VWDE: variants seen among roughly 807,000 people sequenced by gnomAD.
VWDE encodes the protein von Willebrand factor D and EGF domain-containing protein.
VWDE carries 207 observed loss-of-function variants against 178.4 expected under a neutral mutation model. That is an observed-to-expected ratio of 1.16 (90% CI 1.04 to 1.30). The LOEUF (loss-of-function observed/expected upper bound fraction) is 1.30, where lower values mean the gene tolerates loss of function less well. VWDE is among the 50% of genes most tolerant of loss of function. VWDE has a pLI of 0.00. For missense variants in VWDE, 2,287 were observed against 1,901.3 expected (o/e 1.20, Z -3.77); for synonymous variants, 738 against 651.4 (o/e 1.13, Z -2.02).
chr7:12,400,347 G>C (rs139758990), intron 1 of VWDE, among the ~76,000 whole-genome samples: 14 of 152,134 alleles, frequency 9.2e-5, no homozygotes, highest in African/African-American at 3.1e-4. Flanking sequence ...GAAAAGAAGA[G>C]AGAAGATTCA....
At chr7:12,354,824 T>A (rs73680950) in intron 18 of VWDE, among the ~76,000 whole-genome samples, 2 of 152,208 alleles carry the variant, frequency 1.3e-5, no homozygotes, top group African/African-American at 4.8e-5. Flanking sequence ...GTCAGTAATT[T>A]TTAAAAGTTA....
chr7:12,371,318 C>A (rs2128555926), intron 10 of VWDE, among the ~76,000 whole-genome samples: 1 of 152,218 alleles, frequency 6.6e-6, no homozygotes, highest in Admixed American at 6.5e-5. Flanking sequence ...TGCCAGTAGA[C>A]AAACAGAATC....
At chr7:12,365,697 G>A (rs1381712755) in intron 13 of VWDE, among the ~76,000 whole-genome samples, 2 of 152,024 alleles carry the variant, frequency 1.3e-5, no homozygotes, top group African/African-American at 4.8e-5. Flanking sequence ...TAAAATAGTG[G>A]CACATTAAAC....
chr7:12,364,969 C>A (rs2128554187), intron 13 of VWDE, among the ~76,000 whole-genome samples: 1 of 152,146 alleles, frequency 6.6e-6, no homozygotes, highest in South Asian at 2.1e-4. Flanking sequence ...TACAACATGG[C>A]ATGACCTCAA....
intron 4 of VWDE, 80 bp downstream of exon 4, chr7:12,383,456 C>T (rs113039406): frequency 1.3e-5 from 15 of 1,142,980 alleles, no homozygotes; most frequent in South Asian, 8.2e-5. Context: ...ATTCAACATC[C>T]AAAGCTGCAG....
At chr7:12,403,607 C>T (rs963233816) in intron 1 of VWDE, 52 bp downstream of exon 1, 5 of 1,512,342 alleles carry the variant, frequency 3.3e-6, no homozygotes, top group African/African-American at 2.8e-5. Context: ...GTCCCTCTAC[C>T]GCCCACGCGG....
In VWDE at chr7:12,369,564, A is replaced by G; in HGVS notation, c.2742T>C (p.Tyr914=). Reference sequence around the variant, plus strand: ...ACTTACCATAGGAATCACTGCAGTCATAGGAACTAAAGCTTGGGGAACACG... The same window carrying G: ...ACTTACCATAGGAATCACTGCAGTCGTAGGAACTAAAGCTTGGGGAACACG... ...GCACSPSFSS[Y]DCSDSYDKAP... The change falls in exon 12 of 29, where the codon TAT becomes TAC. Residue 914 remains tyrosine (Y), a synonymous_variant. Transcript: ENST00000275358. 1 of 1,538,276 alleles carries G rather than the reference A, an allele frequency of 6.5e-7. No individual in the cohort carries two copies. The highest frequency in any genetic ancestry group is 1.2e-5 in the South Asian group (1 of 83,156).
chr7:12,377,629 G>A, intron 7 of VWDE, 147 bp downstream of exon 7: 2 of 436,424 alleles, frequency 4.6e-6, no homozygotes, highest in East Asian at 7.2e-5. Flanking sequence ...GTTTGGCCGA[G>A]TATTAGTAAT....
At chr7:12,388,453 T>C (rs1221202483) in intron 3 of VWDE, among the ~76,000 whole-genome samples, 1 of 152,056 alleles carries the variant, frequency 6.6e-6, no homozygotes, top group African/African-American at 2.4e-5. Flanking sequence ...ACAACCAAAA[T>C]GAGGGAAGTT....
chr7:12,369,602 C>T lies in VWDE; in HGVS notation c.2704G>A (p.Glu902Lys), dbSNP rs1783046953. The change falls in exon 12 of 29, where the codon GAA (glutamate) becomes AAA (lysine). Residue 902 changes from glutamate (E) to lysine (K), a missense_variant. Transcript: ENST00000275358. ...CTTGGGGAACACGCACACCCCCATT[C>T]CATGCACTGCCCATTGCCGCTGCAT... Reference protein sequence around the residue: ...NLCSGNGQCMEWGCACSPSFS... With the variant: ...NLCSGNGQCMKWGCACSPSFS... The T allele has an allele frequency of 1.3e-6, 2 of 1,551,018 alleles. No homozygotes were observed. The highest frequency in any genetic ancestry group is 2.4e-5 in the East Asian group (1 of 40,910).
rs10231196 is a variant in VWDE, at chr7:12,368,051, C to T, written c.2762-558G>A. 2.6e-3 allele frequency among the ~76,000 whole-genome samples: 397 copies of T among 151,696 alleles called. 3 individuals carry two copies. Among genetic ancestry groups the T allele is most frequent in the African/African-American group, 9.2e-3 (380 of 41,374 alleles). ...AGTAGGGTAGAAAATCACGTGTATTCAGAACCTTAAAAATCTTGATGAAAA... is the reference window on the plus strand; with the variant it reads ...AGTAGGGTAGAAAATCACGTGTATTTAGAACCTTAAAAATCTTGATGAAAA... On this transcript the variant is annotated intron_variant, in intron 12 of 28. Transcript: ENST00000275358.
At chr7:12,395,825 G>A (rs953473181) in intron 1 of VWDE, among the ~76,000 whole-genome samples, 1 of 151,968 alleles carries the variant, frequency 6.6e-6, no homozygotes, top group Non-Finnish European at 1.5e-5. Flanking sequence ...GTTAAGTGAG[G>A]ATTATATTGA....
intron 19 of VWDE, among the ~76,000 whole-genome samples, chr7:12,347,644 C>T (rs1053765506): frequency 1.3e-5 from 2 of 152,146 alleles, no homozygotes; most frequent in East Asian, 1.9e-4. Flanking sequence ...AATGGCCATA[C>T]TGCCCAAGGT....
chr7:12,388,468 A>C (rs1784212766), intron 3 of VWDE, among the ~76,000 whole-genome samples: 1 of 152,132 alleles, frequency 6.6e-6, no homozygotes, highest in African/African-American at 2.4e-5. Flanking sequence ...GAAGTTATTC[A>C]AAATCTTTTA....
At chr7:12,371,433 C>G (rs1291298127) in intron 10 of VWDE, among the ~76,000 whole-genome samples, 1 of 152,090 alleles carries the variant, frequency 6.6e-6, no homozygotes, top group East Asian at 1.9e-4. Flanking sequence ...TGTGAACCAT[C>G]TCTCCCATCA....
chr7:12,401,092 A>G (rs1418128290), intron 1 of VWDE, among the ~76,000 whole-genome samples: 1 of 152,182 alleles, frequency 6.6e-6, no homozygotes. Flanking sequence ...CGAAAATCCC[A>G]TAGCTTACAT....
chr7:12,338,382 GATT>G (rs1371506741), intron 24 of VWDE, among the ~76,000 whole-genome samples: 2 of 151,434 alleles, frequency 1.3e-5, no homozygotes, highest in Admixed American at 6.6e-5. Flanking sequence ...TACAATTTAA[GATT>G]ATTATTATTT....
chr7:12,345,272 C>T (rs79012853), intron 19 of VWDE, among the ~76,000 whole-genome samples: 2,913 of 151,892 alleles, frequency 0.019, 92 homozygotes, highest in African/African-American at 0.066. Flanking sequence ...ATAAAATAAA[C>T]GGAAATAAGT....
rs530513500 is a variant in VWDE at position 12,340,179 on chromosome 7, T to C, written c.4366+143A>G. 7 of 627,718 alleles carry C rather than the reference T, an allele frequency of 1.1e-5. No individual in the cohort carries two copies. The Admixed American group carries it at 1.9e-4, about 17-fold the overall frequency. The allele number at this position is 627,718 out of a possible 1,614,324, so 38.9% of individuals were successfully genotyped here. On this transcript the variant is annotated intron_variant, in intron 24 of 28. Transcript: ENST00000275358. ...GATATATTTTTGTAAGCTAGTAATT[T>C]GGTGGGCATACTTGAAACATCGCAA...
Sources: gnomAD v4.1 joint callset for allele counts (sites outside exome capture counted in the v4.1 genomes callset) on GRCh38, gnomAD v4.1.1 for gene constraint, MANE v1.5 for transcripts, NCBI Gene and HGNC (gene_info 2026-07-23, HGNC 2026-07-21) for gene names.